The following SLC35A3 variants were observed in gnomAD, a reference collection of about 807,000 sequenced individuals.
The protein encoded by SLC35A3 is UDP-N-acetylglucosamine transporter.
A neutral mutation model predicts 39.0 loss-of-function variants in SLC35A3; 26 were observed. The observed-to-expected ratio is 0.67, with a 90% confidence interval of 0.49 to 0.92. SLC35A3 has a LOEUF of 0.92. Among genes scored for constraint, SLC35A3 ranks in the 40% least tolerant of loss-of-function variants. The pLI is 0.00. For missense variants in SLC35A3, 299 were observed against 371.6 expected, an observed-to-expected ratio of 0.80 and a Z score of 1.61; for synonymous variants, 135 against 133.1, an observed-to-expected ratio of 1.01 and a Z score of -0.10.
In SLC35A3 at chr1:100,027,906, G is replaced by C. The variant is rs544448118; in HGVS notation, c.*5430G>C. 1 of 139,474 alleles carries C rather than the reference G, an allele frequency of 7.2e-6. No homozygotes were observed. The highest frequency in any genetic ancestry group is 2.4e-4 in the South Asian group (1 of 4,132). The allele number at this position is 139,474 out of a possible 1,614,324, so 8.6% of individuals were successfully genotyped here. On this transcript the variant is annotated 3_prime_UTR_variant, in exon 8 of 8. Coordinates refer to ENST00000533028, the MANE Select transcript of SLC35A3 (RefSeq NM_012243.3). Reference sequence around the variant, plus strand: ...CCTCAAGTTCCACTGCTATGCAAAAGTATCTTAGAATCTGAATCTTATAGA... The same window carrying C: ...CCTCAAGTTCCACTGCTATGCAAAACTATCTTAGAATCTGAATCTTATAGA...
chr1:99,986,412 T>C (rs927332079), intron 1 of SLC35A3, among the ~76,000 whole-genome samples: 2 of 151,860 alleles, frequency 1.3e-5, no homozygotes, highest in Non-Finnish European at 2.9e-5. Context: ...GTGATCTGCC[T>C]GCCCCTGCGC....
At chr1:100,005,464 G>A (rs898634464) in intron 3 of SLC35A3, among the ~76,000 whole-genome samples, 11 of 152,194 alleles carry the variant, frequency 7.2e-5, no homozygotes, top group Admixed American at 4.6e-4. Context: ...AAGTAATACA[G>A]AGAAATTAAT....
Position 100,026,263 on chromosome 1 carries a change from CATT to C in SLC35A3, c.*3790_*3792del, listed in dbSNP as rs1557853262. On this transcript the variant is annotated 3_prime_UTR_variant, in exon 8 of 8. Coordinates refer to ENST00000533028, the MANE Select transcript of SLC35A3 (RefSeq NM_012243.3). ...ATCACTCATTTGATTTACACATTCA[CATT>C]ATAATATTTAATTATCATGGGTGTA... is the stretch of plus-strand genomic sequence containing the variant. 1 of 152,078 alleles carries C rather than the reference CATT, an allele frequency of 6.6e-6. No individual in the cohort carries two copies. Among genetic ancestry groups the C allele is most frequent in the African/African-American group, 2.4e-5 (1 of 41,420 alleles). The allele number at this position is 152,078 out of a possible 1,614,324, so 9.4% of individuals were successfully genotyped here.
At chr1:99,995,120 C>A (rs1194127683) in intron 2 of SLC35A3, among the ~76,000 whole-genome samples, 1 of 108,294 alleles carries the variant, frequency 9.2e-6, no homozygotes, top group Non-Finnish European at 2.0e-5. Context: ...TTCTTTCTTT[C>A]TTTCTTTCTT....
chr1:99,999,657 T>G (rs1658631440), intron 3 of SLC35A3, among the ~76,000 whole-genome samples: 1 of 152,258 alleles, frequency 6.6e-6, no homozygotes, highest in Non-Finnish European at 1.5e-5. Context: ...CATAGTCACC[T>G]TACTATGCTA....
chr1:99,993,737 C>G lies in SLC35A3; in HGVS notation c.183C>G (p.Asp61Glu), dbSNP rs775133186. Residue 61 changes from aspartate (D) to glutamate (E), a missense_variant, in exon 2 of 8, where the codon GAC becomes GAG. Physicochemically the swap from Asp to Glu is conservative, Grantham distance 45. Transcript: ENST00000533028. ...CCTGCATTTTATTGGTCTACAAAGA[C>G]AGCAGTAGGTATCTAGGTTTTTTGT... is the stretch of plus-strand genomic sequence containing the variant. Reference protein sequence around the residue: ...IMACILLVYKDSKCSLRALNR... With the variant: ...IMACILLVYKESKCSLRALNR... 1.9e-6 allele frequency: 3 copies of G among 1,613,248 alleles called. No homozygotes were observed. Among genetic ancestry groups the G allele is most frequent in the Non-Finnish European group, 2.5e-6 (3 of 1,179,688 alleles).
chr1:99,985,504 C>T (rs1330347009), intron 1 of SLC35A3, among the ~76,000 whole-genome samples: 1 of 152,102 alleles, frequency 6.6e-6, no homozygotes, highest in African/African-American at 2.4e-5. Flanking sequence ...TAATGTGATA[C>T]CTCCAGATTT....
intron 2 of SLC35A3, 117 bp from the exon 3 acceptor site, chr1:99,999,144 T>C (rs1403654168): frequency 3.9e-6 from 2 of 509,510 alleles, no homozygotes; most frequent in Non-Finnish European, 6.8e-6. Context: ...CCTAAAAGTA[T>C]CTTGACATGT....
At position 100,003,493 on chromosome 1, in the gene SLC35A3, T is replaced by A. The variant is rs549315310; in HGVS notation, c.343-3541T>A. Reference sequence around the variant, plus strand: ...TTTTGGTCTGAGAAGATACTTGATATGACTTCAACTTTTAAAGATTTGTTG... The same window carrying A: ...TTTTGGTCTGAGAAGATACTTGATAAGACTTCAACTTTTAAAGATTTGTTG... On this transcript the variant is annotated intron_variant, in intron 3 of 7. Transcript: ENST00000533028. Among the ~76,000 whole-genome samples, 64 of 151,670 alleles carry A rather than the reference T, an allele frequency of 4.2e-4. No homozygotes were observed. The South Asian group carries it at 0.013, about 31-fold the overall frequency.
Position 99,997,410 on chromosome 1 carries a change from TTATATATATATATATATATATA to T in SLC35A3, c.188-1825_188-1804del, listed in dbSNP as rs71970416. On this transcript the variant is annotated intron_variant, in intron 2 of 7. Coordinates refer to ENST00000533028, the MANE Select transcript of SLC35A3 (RefSeq NM_012243.3). Reference sequence around the variant, plus strand: ...ACAGTTATATGTTTTATATATAGTTTTATATATATATATATATATATATATATATATATATATATATATATAT... The same window carrying T: ...ACAGTTATATGTTTTATATATAGTTTTATATATATATATATATATATATAT... Among the ~76,000 whole-genome samples, 164 of 92,104 alleles carry T rather than the reference TTATATATATATATATATATATA, an allele frequency of 1.8e-3. 5 individuals carry two copies. The highest frequency in any genetic ancestry group is 8.9e-3 in the South Asian group (18 of 2,016). The allele number at this position is 92,104 out of a possible 152,430, so 60.4% of individuals were successfully genotyped here. A position where few individuals can be genotyped will look rare whatever the true frequency, so the allele number is the denominator to read the frequency against.
chr1:100,027,379 C>A lies in SLC35A3; in HGVS notation c.*4903C>A. On this transcript the variant is annotated 3_prime_UTR_variant, in exon 8 of 8. Transcript: ENST00000533028. ...AGGCAGAAGGATTGCTTGAGCCCAGCAATTTGATGCTGCAGTAAACCATGA... is the reference window on the plus strand; with the variant it reads ...AGGCAGAAGGATTGCTTGAGCCCAGAAATTTGATGCTGCAGTAAACCATGA... 2.6e-6 allele frequency: 1 copy of A among 384,446 alleles called. No homozygotes were observed. The highest frequency in any genetic ancestry group is 4.6e-6 in the Non-Finnish European group (1 of 217,692). The allele number at this position is 384,446 out of a possible 1,614,324, so 23.8% of individuals were successfully genotyped here. A position where few individuals can be genotyped will look rare whatever the true frequency, so the allele number is the denominator to read the frequency against.
chr1:100,007,198 G>A (rs2101311357), intron 4 of SLC35A3, 42 bp downstream of exon 4: 1 of 1,500,964 alleles, frequency 6.7e-7, no homozygotes, highest in East Asian at 2.3e-5. Flanking sequence ...CTTTATTGTG[G>A]TTTCAAAACC....
intron 3 of SLC35A3, among the ~76,000 whole-genome samples, chr1:100,005,612 T>C (rs1008131994): frequency 3.3e-5 from 5 of 152,226 alleles, no homozygotes; most frequent in East Asian, 1.9e-4. Context: ...TTATTCTGTT[T>C]CATCTAGTCT....
intron 3 of SLC35A3, 33 bp from the exon 4 acceptor site, chr1:100,007,001 G>A (rs183838843): frequency 3.0e-4 from 476 of 1,562,902 alleles, no homozygotes; most frequent in South Asian, 7.3e-4. Context: ...ACAAACAAAC[G>A]AACATTAATA....
Position 100,029,826 on chromosome 1 carries a change from T to C in SLC35A3, c.*7350T>C, listed in dbSNP as rs1661125595. On this transcript the variant is annotated 3_prime_UTR_variant, in exon 8 of 8. Coordinates refer to ENST00000533028, the MANE Select transcript of SLC35A3 (RefSeq NM_012243.3). ...TGAATCTAGTGTGGAAAAATGTTTA[T>C]AATCAGATATTGTGTTAAGAACATA... The C allele has an allele frequency of 6.6e-6, 1 of 152,300 alleles. No homozygotes were observed. Among genetic ancestry groups the C allele is most frequent in the East Asian group, 1.9e-4 (1 of 5,184 alleles). 9.4% of individuals were successfully genotyped at this position (152,300 alleles called of 1,614,324 possible).
chr1:99,990,008 C>T (rs910154053), intron 1 of SLC35A3, among the ~76,000 whole-genome samples: 1 of 152,166 alleles, frequency 6.6e-6, no homozygotes, highest in African/African-American at 2.4e-5. Flanking sequence ...CCTCCTGCCC[C>T]AGCCTCTCAA....
Position 100,024,962 on chromosome 1 carries a change from A to G in SLC35A3, c.*2486A>G. ...AGTGTTACCTTGCTTTTGCAGTAAT[A>G]GTCTACAGATTGCAGGTCTCATCAA... is the stretch of plus-strand genomic sequence containing the variant. On this transcript the variant is annotated 3_prime_UTR_variant, in exon 8 of 8. Transcript: ENST00000533028. The G allele has an allele frequency of 3.1e-6, 1 of 320,494 alleles. No homozygotes were observed. Among genetic ancestry groups the G allele is most frequent in the Non-Finnish European group, 5.6e-6 (1 of 178,148 alleles). 19.9% of individuals were successfully genotyped at this position (320,494 alleles called of 1,614,324 possible). A position where few individuals can be genotyped will look rare whatever the true frequency, so the allele number is the denominator to read the frequency against.
chr1:99,988,673 A>C (rs1430599898), intron 1 of SLC35A3, among the ~76,000 whole-genome samples: 2 of 98,422 alleles, frequency 2.0e-5, no homozygotes, highest in Non-Finnish European at 1.9e-5. Context: ...GTTTCTTCCC[A>C]TCCTTTCCTA....
At chr1:100,006,740 G>C (rs571570198) in intron 3 of SLC35A3, among the ~76,000 whole-genome samples, 3 of 152,312 alleles carry the variant, frequency 2.0e-5, no homozygotes, top group Non-Finnish European at 2.9e-5. Context: ...TTGTGTATCT[G>C]CAAGAGTGGC....
Sources: gnomAD v4.1 joint callset for allele counts (sites outside exome capture counted in the v4.1 genomes callset) on GRCh38, gnomAD v4.1.1 for gene constraint, MANE v1.5 for transcripts, NCBI Gene and HGNC (gene_info 2026-07-23, HGNC 2026-07-21) for gene names.